Variants in DNAJC3 observed in about 807,000 individuals in gnomAD.
The protein encoded by DNAJC3 is DnaJ heat shock protein family (Hsp40) member C3.
DNAJC3 carries 38 observed loss-of-function variants against 68.6 expected under a neutral mutation model. The observed-to-expected ratio is 0.55, with a 90% confidence interval of 0.43 to 0.73. DNAJC3 has a LOEUF of 0.73. Ranked by LOEUF, DNAJC3 falls within the 30% of genes least tolerant of loss-of-function variation. The probability of loss-of-function intolerance (pLI) is 0.00; values close to 1 mark genes in which losing one functional copy is unlikely to be tolerated. For synonymous variants in DNAJC3, 203 were observed against 204.0 expected (o/e 1.00, Z 0.04); for missense variants, 526 against 591.9 (o/e 0.89, Z 1.16).
chr13:95,726,462 A>C (rs1221910571), intron 4 of DNAJC3, among the ~76,000 whole-genome samples: 1 of 152,182 alleles, frequency 6.6e-6, no homozygotes, highest in African/African-American at 2.4e-5. Flanking sequence ...TTTTGGCTGC[A>C]TAAATGTCTT....
chr13:95,769,019 ATATCTATATCTAATCTAT>A (rs1364015968), intron 9 of DNAJC3, among the ~76,000 whole-genome samples: 20 of 143,242 alleles, frequency 1.4e-4, no homozygotes, highest in African/African-American at 5.4e-4. Flanking sequence ...ATCTATATCT[ATATCTATATCTAATCTAT>A]ATCTATATCT....
chr13:95,716,263 G>A (rs1281130682), intron 2 of DNAJC3, among the ~76,000 whole-genome samples: 1 of 152,214 alleles, frequency 6.6e-6, no homozygotes, highest in Non-Finnish European at 1.5e-5. Context: ...CAGGGTTGTG[G>A]CTTCTGTCTT....
At chr13:95,783,502 T>C (rs551436025) in intron 9 of DNAJC3, among the ~76,000 whole-genome samples, 2 of 152,380 alleles carry the variant, frequency 1.3e-5, no homozygotes, top group African/African-American at 4.8e-5. Flanking sequence ...TGGGTGTTCA[T>C]TGTAAAGTTA....
intron 1 of DNAJC3, among the ~76,000 whole-genome samples, chr13:95,677,716 G>T (rs1384564723): frequency 1.3e-5 from 2 of 152,238 alleles, no homozygotes; most frequent in Non-Finnish European, 2.9e-5. Context: ...TCAGTCATTG[G>T]TGCTGGCTGG....
chr13:95,769,025 ATATCTAATCTAT>A (rs1296368938), intron 9 of DNAJC3, among the ~76,000 whole-genome samples: 10 of 147,542 alleles, frequency 6.8e-5, no homozygotes, highest in East Asian at 3.9e-4. Context: ...ATCTATATCT[ATATCTAATCTAT>A]ATCTATATCT....
intron 4 of DNAJC3, among the ~76,000 whole-genome samples, chr13:95,728,013 A>G (rs1266984341): frequency 1.3e-5 from 2 of 152,168 alleles, no homozygotes; most frequent in Non-Finnish European, 2.9e-5. Flanking sequence ...GTTATACAAA[A>G]ATCTTTTAGA....
chr13:95,779,384 A>G (rs1389671744), intron 9 of DNAJC3, among the ~76,000 whole-genome samples: 1 of 152,134 alleles, frequency 6.6e-6, no homozygotes. Context: ...GCGGCCTCCC[A>G]AAGTGCTGGG....
intron 10 of DNAJC3, 137 bp downstream of exon 10, chr13:95,786,208 T>A (rs1227182128): frequency 2.1e-6 from 2 of 971,386 alleles, no homozygotes; most frequent in Non-Finnish European, 2.9e-6. Context: ...TTAACAGTCT[T>A]TAACATTAGA....
At chr13:95,725,439 C>T (rs879450110) in intron 4 of DNAJC3, among the ~76,000 whole-genome samples, 187 bp downstream of exon 4, 9 of 152,256 alleles carry the variant, frequency 5.9e-5, no homozygotes, top group Non-Finnish European at 1.2e-4. Context: ...TGATGGCAGA[C>T]ATCAAAGAAT....
At chr13:95,719,159 G>C (rs1417300295) in intron 2 of DNAJC3, among the ~76,000 whole-genome samples, 2 of 152,164 alleles carry the variant, frequency 1.3e-5, no homozygotes, top group Admixed American at 6.5e-5. Context: ...GGATACAGAC[G>C]AACAACCAAA....
intron 3 of DNAJC3, among the ~76,000 whole-genome samples, chr13:95,724,502 A>G (rs568615310): frequency 5.9e-5 from 9 of 152,312 alleles, no homozygotes; most frequent in Middle Eastern, 3.4e-3. Context: ...TAGGGCAAAA[A>G]GTATTTTTAA....
At chr13:95,724,165 C>T (rs1292375558) in intron 3 of DNAJC3, among the ~76,000 whole-genome samples, 1 of 152,170 alleles carries the variant, frequency 6.6e-6, no homozygotes, top group African/African-American at 2.4e-5. Flanking sequence ...CACAGCTAAG[C>T]AAGCACAACC....
chr13:95,725,665 TTTTC>T (rs1423902944), intron 4 of DNAJC3, among the ~76,000 whole-genome samples: 1 of 151,984 alleles, frequency 6.6e-6, no homozygotes, highest in African/African-American at 2.4e-5. Context: ...TTCTTTTTTT[TTTTC>T]TCTTTTTTTT....
At chr13:95,735,163 T>C (rs1881864930) in intron 4 of DNAJC3, among the ~76,000 whole-genome samples, 1 of 147,516 alleles carries the variant, frequency 6.8e-6, no homozygotes, top group Non-Finnish European at 1.5e-5. Flanking sequence ...TCATTGTTTA[T>C]GGCTGCATAG....
chr13:95,767,853 C>CT lies in DNAJC3; in HGVS notation c.1075+3910dup, dbSNP rs955684805. Among the ~76,000 whole-genome samples, 99 of 145,050 alleles carry CT rather than the reference C, an allele frequency of 6.8e-4. 1 individual carries two copies. The East Asian group carries it at 0.012, about 18-fold the overall frequency. ...TGCATGTGTGCACCACCACACCTGGCTTTTTTTTTTCTTTTTTTTTTCCGT... is the reference window on the plus strand; with the variant it reads ...TGCATGTGTGCACCACCACACCTGGCTTTTTTTTTTTCTTTTTTTTTTCCGT... On this transcript the variant is annotated intron_variant, in intron 9 of 11. Transcript: ENST00000602402.
In DNAJC3 at chr13:95,733,893, T is replaced by C. The variant is rs140338045; in HGVS notation, c.393+8641T>C. 3.2e-3 allele frequency among the ~76,000 whole-genome samples: 480 copies of C among 152,222 alleles called. 1 individual carries two copies. The highest frequency in any genetic ancestry group is 4.5e-3 in the Non-Finnish European group (306 of 68,004). On this transcript the variant is annotated intron_variant, in intron 4 of 11. Transcript: ENST00000602402. ...TGTAAGTGCCATATAGTTAGATCCA[T>C]TTTTTAAAAATCCATTCAGTCAGTC...
intron 2 of DNAJC3, among the ~76,000 whole-genome samples, chr13:95,709,937 C>A (rs1209315604): frequency 6.6e-6 from 1 of 152,186 alleles, no homozygotes; most frequent in African/African-American, 2.4e-5. Flanking sequence ...CTGCGCCCGG[C>A]CAGCTTCTGA....
intron 4 of DNAJC3, among the ~76,000 whole-genome samples, chr13:95,726,403 A>G (rs1881523483): frequency 6.6e-6 from 1 of 152,018 alleles, no homozygotes; most frequent in East Asian, 1.9e-4. Context: ...TGTGGTTTTG[A>G]TTTGCATTTC....
At chr13:95,774,864 A>G (rs972739421) in intron 9 of DNAJC3, among the ~76,000 whole-genome samples, 5 of 152,118 alleles carry the variant, frequency 3.3e-5, no homozygotes, top group African/African-American at 7.2e-5. Flanking sequence ...TTGTGCCTTT[A>G]TAAGTATGTC....
Sources: gnomAD v4.1 joint callset for allele counts (sites outside exome capture counted in the v4.1 genomes callset) on GRCh38, gnomAD v4.1.1 for gene constraint, MANE v1.5 for transcripts, NCBI Gene and HGNC (gene_info 2026-07-23, HGNC 2026-07-21) for gene names.